Variants in LRRC61 observed in about 807,000 individuals in gnomAD.
LRRC61 encodes the protein leucine-rich repeat-containing protein 61.
A neutral mutation model predicts 15.1 loss-of-function variants in LRRC61; 9 were observed. The ratio of observed to expected loss-of-function variants is 0.60; its 90% CI spans 0.36 to 1.04. LRRC61 has a LOEUF of 1.04. Among genes scored for constraint, LRRC61 ranks in the 50% least tolerant of loss-of-function variants. The pLI is 0.01. For missense variants in LRRC61, 344 were observed against 335.6 expected (o/e 1.03, Z -0.20); for synonymous variants, 173 against 158.6 (o/e 1.09, Z -0.68).
At chr7:150,332,789 A>G (rs1244668820) in intron 2 of LRRC61, 2 of 165,172 alleles carry the variant, frequency 1.2e-5, no homozygotes, top group Admixed American at 1.3e-4. Context: ...CACTACCTGT[A>G]GCACTAGGTG....
chr7:150,312,720 G>A, the LRRC61 span, among the ~76,000 whole-genome samples: 14 of 152,250 alleles, frequency 9.2e-5, no homozygotes, highest in Non-Finnish European at 1.6e-4. Flanking sequence ...AAGCAGTCCT[G>A]AGAAACATCG....
the LRRC61 span, among the ~76,000 whole-genome samples, chr7:150,317,119 T>C: frequency 6.6e-6 from 1 of 152,218 alleles, no homozygotes; most frequent in East Asian, 1.9e-4. Flanking sequence ...TGGCGTGATC[T>C]CGGCTCACTG....
upstream of LRRC61, among the ~76,000 whole-genome samples, chr7:150,321,307 T>G (rs1797490420): frequency 1.3e-5 from 2 of 152,258 alleles, no homozygotes; most frequent in African/African-American, 4.8e-5. Context: ...GTCTCTCACC[T>G]TAACAATTGT....
At chr7:150,324,524 CA>C (rs1209140010) in intron 1 of LRRC61, 1 of 152,324 alleles carries the variant, frequency 6.6e-6, no homozygotes, top group Non-Finnish European at 1.5e-5. Context: ...GCTGCCTTTA[CA>C]GATGTACGGC....
Position 150,330,499 on chromosome 7 carries a change from C to A in LRRC61, c.-145+4489C>A, listed in dbSNP as rs754204725. The A allele has an allele frequency of 3.8e-6, 3 of 780,290 alleles. No individual in the cohort carries two copies. Among genetic ancestry groups the A allele is most frequent in the Non-Finnish European group, 7.2e-6 (3 of 418,004 alleles). The allele number at this position is 780,290 out of a possible 1,614,324, so 48.3% of individuals were successfully genotyped here. The stretch of plus-strand genomic sequence containing the variant: ...CACATCTTCCTGGAGCAGGTTCACA[C>A]ACACTTTCAGGAGCAGAGTGTCGGG... On this transcript the variant is annotated intron_variant, in intron 2 of 2. Transcript: ENST00000359623. This position sits in a 1 kb window ranked among gnomAD's most constrained non-coding sequence, Gnocchi z 4.6.
intron 2 of LRRC61, among the ~76,000 whole-genome samples, chr7:150,334,647 C>T (rs1313718973): frequency 1.3e-5 from 2 of 152,254 alleles, no homozygotes; most frequent in Non-Finnish European, 2.9e-5. Flanking sequence ...CCACGCCACA[C>T]TCACTCAAGC....
chr7:150,328,373 G>A (rs112340133), intron 2 of LRRC61, among the ~76,000 whole-genome samples: 22 of 152,258 alleles, frequency 1.4e-4, no homozygotes, highest in African/African-American at 4.8e-4. Context: ...ATACAAAAAA[G>A]TTTGTAAACA....
rs1409340045 is a variant in LRRC61, at chr7:150,337,629, C to A, written c.768C>A (p.Ser256=). Residue 256 remains serine (S), a synonymous_variant, in exon 3 of 3, where the codon TCC becomes TCA. Transcript: ENST00000359623. The part of the protein sequence containing the change: ...QVLSSAGPTS[S]FVF The stretch of plus-strand genomic sequence containing the variant: ...TCAGCTCTGCGGGCCCCACCTCTTC[C>A]TTCGTCTTCTGAACGTGGCCTATGG... 2.6e-6 allele frequency: 4 copies of A among 1,524,426 alleles called. No individual in the cohort carries two copies. 94.4% of individuals were successfully genotyped at this position (1,524,426 alleles called of 1,614,324 possible).
chr7:150,310,767 T>C, the LRRC61 span, among the ~76,000 whole-genome samples: 84 of 152,298 alleles, frequency 5.5e-4, no homozygotes, highest in African/African-American at 2.0e-3. Context: ...CATGACTTTC[T>C]TTCTGCCCGT....
chr7:150,330,994 A>G lies in LRRC61; in HGVS notation c.-145+4984A>G, dbSNP rs2129618278. Reference sequence around the variant, plus strand: ...AGCCACTGGGCCAGCATCATTGTCAAGAAGTATCTGTGGGAGAATGAGACC... The same window carrying G: ...AGCCACTGGGCCAGCATCATTGTCAGGAAGTATCTGTGGGAGAATGAGACC... On this transcript the variant is annotated intron_variant, in intron 2 of 2. Transcript: ENST00000359623. The surrounding 1 kb of genome is among the most constrained non-coding windows in gnomAD (Gnocchi z 4.6). 2.5e-6 allele frequency: 4 copies of G among 1,611,982 alleles called. No homozygotes were observed. The East Asian group carries it at 6.7e-5, about 27-fold the overall frequency.
upstream of LRRC61, among the ~76,000 whole-genome samples, chr7:150,320,047 T>C (rs1227376195): frequency 2.0e-5 from 3 of 152,224 alleles, no homozygotes; most frequent in Admixed American, 2.0e-4. Flanking sequence ...AACTCCTTGT[T>C]TTAGAGTGTT....
In LRRC61 at chr7:150,335,045, A is replaced by G. The variant is rs1005682076; in HGVS notation, c.-144-1673A>G. Among the ~76,000 whole-genome samples, 37 of 151,682 alleles carry G rather than the reference A, an allele frequency of 2.4e-4. No individual in the cohort carries two copies. The highest frequency in any genetic ancestry group is 6.3e-4 in the African/African-American group (26 of 41,452). Reference sequence around the variant, plus strand: ...AACTCTGTCTCAAAAAAAAAAAAAAAAAAGAAAAAAAGGAGCCCCTGGCAT... The same window carrying G: ...AACTCTGTCTCAAAAAAAAAAAAAAGAAAGAAAAAAAGGAGCCCCTGGCAT... On this transcript the variant is annotated intron_variant, in intron 2 of 2. Coordinates refer to ENST00000359623, the MANE Select transcript of LRRC61 (RefSeq NM_001142928.2). The surrounding 1 kb of genome is among the most constrained non-coding windows in gnomAD (Gnocchi z 4.3).
At chr7:150,326,755 C>A (rs1797972434) in intron 2 of LRRC61, among the ~76,000 whole-genome samples, 1 of 151,740 alleles carries the variant, frequency 6.6e-6, no homozygotes. Flanking sequence ...TGGATGTTCA[C>A]ACTCTGGGGT....
rs1359474549 is a variant in LRRC61 at position 150,333,308 on chromosome 7, G to A, written c.-144-3410G>A. Among the ~76,000 whole-genome samples, 1 of 152,204 alleles carries A rather than the reference G, an allele frequency of 6.6e-6. No homozygotes were observed. Among genetic ancestry groups the A allele is most frequent in the Non-Finnish European group, 1.5e-5 (1 of 68,034 alleles). Reference sequence around the variant, plus strand: ...CCCCAGTGGACATTGACAATGTCTGGAGGTGTCTTTAGTTGTTCCAAGTGG... The same window carrying A: ...CCCCAGTGGACATTGACAATGTCTGAAGGTGTCTTTAGTTGTTCCAAGTGG... On this transcript the variant is annotated intron_variant, in intron 2 of 2. Coordinates refer to ENST00000359623, the MANE Select transcript of LRRC61 (RefSeq NM_001142928.2). This position sits in a 1 kb window ranked among gnomAD's most constrained non-coding sequence, Gnocchi z 4.3.
At chr7:150,320,361 C>T (rs184669839), upstream of LRRC61, among the ~76,000 whole-genome samples, 7 of 152,318 alleles carry the variant, frequency 4.6e-5, no homozygotes, top group Non-Finnish European at 8.8e-5. Context: ...GGCTTGTGAT[C>T]GGCTTGTGAC....
At chr7:150,323,900 A>G (rs1305513063) in intron 1 of LRRC61, among the ~76,000 whole-genome samples, 6 of 152,180 alleles carry the variant, frequency 3.9e-5, no homozygotes, top group African/African-American at 1.4e-4. Flanking sequence ...CTCTGACTCC[A>G]TTGTTAGCCC....
rs147795135 is a variant in LRRC61 at position 150,335,576 on chromosome 7, G to A, written c.-144-1142G>A. On this transcript the variant is annotated intron_variant, in intron 2 of 2. Coordinates refer to ENST00000359623, the MANE Select transcript of LRRC61 (RefSeq NM_001142928.2). This position sits in a 1 kb window ranked among gnomAD's most constrained non-coding sequence, Gnocchi z 4.3. Reference sequence around the variant, plus strand: ...GAGGAGCTAAGTGGATCAGGCTCTGGGCCTGGTTTCCTTGGAGAGGGGAAA... The same window carrying A: ...GAGGAGCTAAGTGGATCAGGCTCTGAGCCTGGTTTCCTTGGAGAGGGGAAA... Among the ~76,000 whole-genome samples, 11 of 152,262 alleles carry A rather than the reference G, an allele frequency of 7.2e-5. No homozygotes were observed. Among genetic ancestry groups the A allele is most frequent in the Non-Finnish European group, 1.5e-4 (10 of 68,024 alleles).
chr7:150,335,956 C>T lies in LRRC61; in HGVS notation c.-144-762C>T, dbSNP rs1157450576. The stretch of plus-strand genomic sequence containing the variant: ...TTTATGTTGTCTTTGCAGCTGGCAC[C>T]GTGCTGTCTGGCACGTATATCAGTG... On this transcript the variant is annotated intron_variant, in intron 2 of 2. Transcript: ENST00000359623. This position sits in a 1 kb window ranked among gnomAD's most constrained non-coding sequence, Gnocchi z 4.3. Among the ~76,000 whole-genome samples the T allele has an allele frequency of 4.6e-5, 7 of 152,312 alleles. No homozygotes were observed. The East Asian group carries it at 9.6e-4, about 21-fold the overall frequency.
chr7:150,328,975 TG>T (rs1585042581), intron 2 of LRRC61, among the ~76,000 whole-genome samples: 1 of 152,190 alleles, frequency 6.6e-6, no homozygotes, highest in East Asian at 1.9e-4. Flanking sequence ...TGGTGTCCCT[TG>T]GTGTCTCTGC....
Sources: allele counts gnomAD v4.1 joint callset (sites outside exome capture counted in the v4.1 genomes callset), GRCh38; gene constraint gnomAD v4.1.1; non-coding constraint Gnocchi (gnomAD v3.1); transcripts MANE v1.5; gene names NCBI Gene and HGNC (gene_info 2026-07-23, HGNC 2026-07-21).